Variants in SORBS2 observed in about 807,000 individuals in gnomAD.
SORBS2 encodes sorbin and SH3 domain-containing protein 2.
In SORBS2, 46 loss-of-function variants were observed where a neutral mutation model predicts 97.7. The observed-to-expected ratio is 0.47, with a 90% CI of 0.37 to 0.60. The LOEUF (loss-of-function observed/expected upper bound fraction) is 0.60, where lower values mean the gene tolerates loss of function less well. Among genes scored for constraint, SORBS2 ranks in the 20% least tolerant of loss-of-function variants. The pLI, the probability that SORBS2 is intolerant of heterozygous loss-of-function variation, is 0.00. For synonymous variants in SORBS2, 476 were observed against 473.4 expected (o/e 1.01, Z -0.07); for missense variants, 1,316 against 1,282.3 (o/e 1.03, Z -0.40).
intron 1 of SORBS2, among the ~76,000 whole-genome samples, chr4:185,828,619 A>G (rs2099203322): frequency 6.6e-6 from 1 of 152,148 alleles, no homozygotes; most frequent in Admixed American, 6.5e-5. Context: ...GCTTAACCTC[A>G]GGGAAGGCAG....
intron 1 of SORBS2, among the ~76,000 whole-genome samples, chr4:185,793,070 T>C (rs2099088676): frequency 6.6e-6 from 1 of 152,254 alleles, no homozygotes; most frequent in South Asian, 2.1e-4. Context: ...GTGGCCATTA[T>C]TATTATTTAT....
At chr4:185,723,752 G>A (rs550630657) in intron 2 of SORBS2, among the ~76,000 whole-genome samples, 1 of 152,164 alleles carries the variant, frequency 6.6e-6, no homozygotes, top group Non-Finnish European at 1.5e-5. Context: ...CTGTGGAGTT[G>A]AGGAAAGAAA....
At position 185,819,389 on chromosome 4, in the gene SORBS2, C is replaced by T. The variant is rs151162119; in HGVS notation, c.-337-44023G>A. Among the ~76,000 whole-genome samples, 1,030 of 152,312 alleles carry T rather than the reference C, an allele frequency of 6.8e-3. 6 individuals are homozygous for T. Among genetic ancestry groups the T allele is most frequent in the South Asian group, 0.012 (57 of 4,822 alleles). ...AGGGAGAGCCAAGGGGCACATTTTC[C>T]GCTTGAGTTGGCCTCTTTGAAGGAG... On this transcript the variant is annotated intron_variant, in intron 1 of 20. Transcript: ENST00000284776.
At chr4:185,942,135 A>G (rs566302938) in intron 1 of SORBS2, among the ~76,000 whole-genome samples, 4 of 152,134 alleles carry the variant, frequency 2.6e-5, no homozygotes, top group African/African-American at 9.6e-5. Context: ...ACAAAAAACT[A>G]AGACTTGGAG....
rs533654670 is a variant in SORBS2 at position 185,707,957 on chromosome 4, T to C, written c.-197-29135A>G. ...TGGGTGGGGACACAGCCAAACCTTA[T>C]CAGTATTTCTCTGTGTTTCTCACAA... On this transcript the variant is annotated intron_variant, in intron 2 of 20. Coordinates refer to the SORBS2 transcript ENST00000284776. Among the ~76,000 whole-genome samples, 3 of 152,278 alleles carry C rather than the reference T, an allele frequency of 2.0e-5. No homozygotes were observed. In the East Asian group the frequency reaches 5.8e-4, roughly 29 times the overall value.
intron 1 of SORBS2, among the ~76,000 whole-genome samples, chr4:185,849,179 C>G (rs2099216363): frequency 6.6e-6 from 1 of 152,052 alleles, no homozygotes; most frequent in African/African-American, 2.4e-5. Flanking sequence ...GAAAGAGTAG[C>G]TTTTTCCTGC....
At chr4:185,738,286 C>A (rs2098700952) in intron 2 of SORBS2, among the ~76,000 whole-genome samples, 1 of 152,122 alleles carries the variant, frequency 6.6e-6, no homozygotes, top group African/African-American at 2.4e-5. Flanking sequence ...CTTAGAATGC[C>A]ATGTGTTTCA....
At chr4:185,888,585 A>G (rs146610787) in intron 1 of SORBS2, among the ~76,000 whole-genome samples, 49 of 152,372 alleles carry the variant, frequency 3.2e-4, no homozygotes, top group African/African-American at 1.2e-3. Context: ...CAGCAACCAT[A>G]TGAAACAAAT....
chr4:185,665,343 T>G (rs2097580649), intron 4 of SORBS2, among the ~76,000 whole-genome samples: 1 of 152,214 alleles, frequency 6.6e-6, no homozygotes, highest in Non-Finnish European at 1.5e-5. Flanking sequence ...CACATTAATG[T>G]GAGTCTGTGA....
intron 1 of SORBS2, among the ~76,000 whole-genome samples, chr4:185,872,359 C>A (rs1382154337): frequency 6.6e-6 from 1 of 152,156 alleles, no homozygotes; most frequent in Non-Finnish European, 1.5e-5. Context: ...CTGGGCAAAC[C>A]ACACGCATAG....
chr4:185,784,143 C>CT (rs2099044602), intron 1 of SORBS2, among the ~76,000 whole-genome samples: 1 of 152,064 alleles, frequency 6.6e-6, no homozygotes, highest in Non-Finnish European at 1.5e-5. Flanking sequence ...CCTTTTCTTT[C>CT]TTTTTTGAGA....
At chr4:185,936,431 C>T (rs1277660508) in intron 1 of SORBS2, among the ~76,000 whole-genome samples, 1 of 152,104 alleles carries the variant, frequency 6.6e-6, no homozygotes, top group Non-Finnish European at 1.5e-5. Context: ...ATCAATTACA[C>T]AAAGTTATAA....
chr4:185,746,462 G>A (rs2098761383), intron 2 of SORBS2, among the ~76,000 whole-genome samples: 1 of 152,098 alleles, frequency 6.6e-6, no homozygotes, highest in Admixed American at 6.5e-5. Context: ...GACTAGAGGT[G>A]TGCACCACCA....
chr4:185,756,099 G>A (rs4543173), intron 2 of SORBS2, among the ~76,000 whole-genome samples: 66,965 of 151,994 alleles, frequency 0.44, 15,190 homozygotes, highest in South Asian at 0.52. Context: ...GTGGTTGGCA[G>A]CATTGACATT....
chr4:185,596,090 TAAG>T (rs2096080414), intron 12 of SORBS2, among the ~76,000 whole-genome samples: 1 of 152,220 alleles, frequency 6.6e-6, no homozygotes, highest in African/African-American at 2.4e-5. Context: ...ATTCTTGTCT[TAAG>T]AGAAAATGTT....
intron 1 of SORBS2, among the ~76,000 whole-genome samples, chr4:185,935,298 C>T (rs1451679376): frequency 6.6e-6 from 1 of 152,160 alleles, no homozygotes; most frequent in Non-Finnish European, 1.5e-5. Context: ...TCTCAGCTAT[C>T]AATACCACAT....
intron 1 of SORBS2, among the ~76,000 whole-genome samples, chr4:185,834,201 T>C (rs2153674344): frequency 6.6e-6 from 1 of 152,294 alleles, no homozygotes; most frequent in South Asian, 2.1e-4. Context: ...TGGCATCTGC[T>C]TCTGGGGAGG....
At chr4:185,715,707 A>G (rs1017037463) in intron 2 of SORBS2, among the ~76,000 whole-genome samples, 3 of 152,238 alleles carry the variant, frequency 2.0e-5, no homozygotes, top group Admixed American at 6.5e-5. Flanking sequence ...AAAAATGTAG[A>G]CAGAATCTAA....
chr4:185,851,312 G>T (rs958502337), intron 1 of SORBS2, among the ~76,000 whole-genome samples: 3 of 151,856 alleles, frequency 2.0e-5, no homozygotes, highest in Non-Finnish European at 4.4e-5. Flanking sequence ...ACCATGATTT[G>T]GTGTTTACAA....
Sources: gnomAD v4.1 joint callset for allele counts (sites outside exome capture counted in the v4.1 genomes callset) on GRCh38, gnomAD v4.1.1 for gene constraint, MANE v1.5 for transcripts, NCBI Gene and HGNC (gene_info 2026-07-23, HGNC 2026-07-21) for gene names.